ZNF860: variants seen among roughly 807,000 people sequenced by gnomAD.
ZNF860 encodes the protein zinc finger protein 860.
For missense variants in ZNF860, 641 were observed against 759.2 expected, an observed-to-expected ratio of 0.84 and a Z score of 1.83; for synonymous variants, 206 against 248.9, an observed-to-expected ratio of 0.83 and a Z score of 1.62.
In ZNF860 at chr3:31,988,884, G is replaced by A. The variant is rs897364487; in HGVS notation, c.-196G>A. 1 of 661,350 alleles carries A rather than the reference G, an allele frequency of 1.5e-6. No homozygotes were observed. 41.0% of individuals were successfully genotyped at this position (661,350 alleles called of 1,614,324 possible). On this transcript the variant is annotated 5_prime_UTR_variant, in exon 2 of 2. Transcript: ENST00000360311. ...CCACAGCTTGACTACAACCCAGAGAGACACTGAGCCAGGAACACCCAGCTG... is the reference window on the plus strand; with the variant it reads ...CCACAGCTTGACTACAACCCAGAGAAACACTGAGCCAGGAACACCCAGCTG...
In ZNF860 at chr3:31,989,507, G is replaced by A. The variant is rs570687729; in HGVS notation, c.428G>A (p.Arg143Gln). ...KLTGSTDRYD[R>Q]RHPGNKPIKD... The stretch of plus-strand genomic sequence containing the variant: ...ACTGGTAGCACCGACAGATATGATC[G>A]AAGGCATCCTGGAAACAAGCCTATC... The change falls in exon 2 of 2, where the codon CGA becomes CAA. Residue 143 changes from arginine (R) to glutamine (Q), a missense_variant. Transcript: ENST00000360311. 136 of 1,614,102 alleles carry A rather than the reference G, an allele frequency of 8.4e-5. 1 individual carries two copies. In the South Asian group the frequency reaches 1.2e-3, roughly 15 times the overall value.
chr3:31,982,149 G>C (rs4522807), intron 1 of ZNF860, among the ~76,000 whole-genome samples: 12,716 of 152,128 alleles, frequency 0.084, 1,057 homozygotes, highest in East Asian at 0.47. Flanking sequence ...CTCTGAAACC[G>C]GGAAAACTGC....
Position 31,989,331 on chromosome 3 carries a change from G to A in ZNF860, c.252G>A (p.Val84=), listed in dbSNP as rs1275025488. 1.2e-6 allele frequency: 2 copies of A among 1,614,160 alleles called. No homozygotes were observed. Among genetic ancestry groups the A allele is most frequent in the Non-Finnish European group, 1.7e-6 (2 of 1,180,026 alleles). Residue 84 remains valine (V), a synonymous_variant, in exon 2 of 2, where the codon GTG becomes GTA. Coordinates refer to ENST00000360311, the MANE Select transcript of ZNF860 (RefSeq NM_001137674.3). ...CAACAGCGCAAGGCAATACAGAAGT[G>A]GACACAGGGACATTAGAAAGACATG... The part of the protein sequence containing the change: ...FSSTAQGNTE[V]DTGTLERHES...
At chr3:31,987,939 G>A (rs1698958617) in intron 1 of ZNF860, among the ~76,000 whole-genome samples, 1 of 152,176 alleles carries the variant, frequency 6.6e-6, no homozygotes, top group Non-Finnish European at 1.5e-5. Context: ...TTAGGAAAAT[G>A]GAGCAAACAC....
chr3:31,982,651 A>AC (rs1698873978), intron 1 of ZNF860, among the ~76,000 whole-genome samples: 1 of 71,520 alleles, frequency 1.4e-5, no homozygotes, highest in African/African-American at 4.8e-5. Flanking sequence ...ACATAGTGTT[A>AC]AAAAAAAAAA....
At chr3:31,998,067 G>A in the ZNF860 span, among the ~76,000 whole-genome samples, 1 of 152,060 alleles carries the variant, frequency 6.6e-6, no homozygotes, top group African/African-American at 2.4e-5. Context: ...TGCCACAGGT[G>A]TGAGCAGCCG....
intron 1 of ZNF860, among the ~76,000 whole-genome samples, chr3:31,985,554 T>C (rs6770955): frequency 0.28 from 42,794 of 152,080 alleles, 6,856 homozygotes; most frequent in East Asian, 0.72. Flanking sequence ...CTAGTAGTTG[T>C]TTCTGAGGCT....
At chr3:32,005,649 G>C in the ZNF860 span, among the ~76,000 whole-genome samples, 3,161 of 152,058 alleles carry the variant, frequency 0.021, 39 homozygotes, top group Middle Eastern at 0.051. Context: ...GTGCAGTGTC[G>C]CTGTCTCGGC....
At chr3:32,003,045 G>A in the ZNF860 span, among the ~76,000 whole-genome samples, 1 of 152,350 alleles carries the variant, frequency 6.6e-6, no homozygotes, top group South Asian at 2.1e-4. Flanking sequence ...GAAGCTGGCC[G>A]AACGAAAGTG....
chr3:32,004,950 C>A, the ZNF860 span, among the ~76,000 whole-genome samples: 4 of 152,210 alleles, frequency 2.6e-5, no homozygotes, highest in African/African-American at 4.8e-5. Context: ...CCCATAGGCA[C>A]CCACTTTGAT....
At chr3:31,984,308 G>A (rs1012514113) in intron 1 of ZNF860, among the ~76,000 whole-genome samples, 1 of 151,624 alleles carries the variant, frequency 6.6e-6, no homozygotes, top group Non-Finnish European at 1.5e-5. Context: ...CCAAAGTGCT[G>A]GGATTACAGG....
chr3:31,999,113 G>C, the ZNF860 span, among the ~76,000 whole-genome samples: 1 of 152,182 alleles, frequency 6.6e-6, no homozygotes, highest in Non-Finnish European at 1.5e-5. Flanking sequence ...TCTGCTGTTA[G>C]CTTGATCAGC....
At chr3:31,997,172 G>A in the ZNF860 span, among the ~76,000 whole-genome samples, 1 of 152,084 alleles carries the variant, frequency 6.6e-6, no homozygotes, top group Non-Finnish European at 1.5e-5. Flanking sequence ...CGATTTATGT[G>A]CACAGCAGAG....
chr3:31,996,826 A>G, the ZNF860 span, among the ~76,000 whole-genome samples: 12 of 152,222 alleles, frequency 7.9e-5, no homozygotes, highest in Non-Finnish European at 1.6e-4. Context: ...AAAAAACTTG[A>G]CAAGTATCTT....
chr3:31,999,581 G>A, the ZNF860 span, among the ~76,000 whole-genome samples: 1 of 151,848 alleles, frequency 6.6e-6, no homozygotes, highest in South Asian at 2.1e-4. Flanking sequence ...GGCTGGTCTC[G>A]AACTTCCTAC....
At chr3:32,002,760 G>A in the ZNF860 span, among the ~76,000 whole-genome samples, 11,433 of 151,942 alleles carry the variant, frequency 0.075, 660 homozygotes, top group East Asian at 0.32. Context: ...GGGGGTTGTT[G>A]TGACCCTTTA....
intron 1 of ZNF860, among the ~76,000 whole-genome samples, chr3:31,984,395 G>A (rs1402320512): frequency 6.6e-6 from 1 of 151,862 alleles, no homozygotes; most frequent in Non-Finnish European, 1.5e-5. Flanking sequence ...GCTAAGGATG[G>A]GGAAGCTGAT....
chr3:32,006,080 G>C, the ZNF860 span, among the ~76,000 whole-genome samples: 1 of 152,014 alleles, frequency 6.6e-6, no homozygotes, highest in East Asian at 1.9e-4. Flanking sequence ...AAGTAGCTGC[G>C]ATTACAGATG....
chr3:31,990,318 T>G lies in ZNF860; in HGVS notation c.1239T>G (p.Ile413Met). Residue 413 changes from isoleucine (I) to methionine (M), a missense_variant, in exon 2 of 2, where the codon ATT becomes ATG. Ile to Met is a conservative substitution (Grantham distance 10, BLOSUM62 1). Transcript: ENST00000360311. The part of the protein sequence containing the change: ...CHKVFSNATT[I>M]ANHWRIHNEE... ...AAGTCTTCAGTAATGCTACAACCATTGCAAATCATTGGAGAATCCATAATG... is the reference window on the plus strand; with the variant it reads ...AAGTCTTCAGTAATGCTACAACCATGGCAAATCATTGGAGAATCCATAATG... 6.2e-7 allele frequency: 1 copy of G among 1,614,090 alleles called. No individual in the cohort carries two copies. The highest frequency in any genetic ancestry group is 8.5e-7 in the Non-Finnish European group (1 of 1,179,998).
Sources: gnomAD v4.1 joint callset for allele counts (sites outside exome capture counted in the v4.1 genomes callset) on GRCh38, gnomAD v4.1.1 for gene constraint, MANE v1.5 for transcripts, NCBI Gene and HGNC (gene_info 2026-07-23, HGNC 2026-07-21) for gene names.